Variants in WDR72 observed in about 807,000 individuals in gnomAD.
WDR72 encodes the protein WD repeat domain 72.
A neutral mutation model predicts 124.2 loss-of-function variants in WDR72; 120 were observed. That is an observed-to-expected ratio of 0.97 (90% CI 0.83 to 1.12). The LOEUF is 1.12. Among genes scored for constraint, WDR72 ranks in the 50% most tolerant of loss-of-function variants. The pLI is 0.00. For synonymous variants in WDR72, 452 were observed against 441.7 expected, an observed-to-expected ratio of 1.02 and a Z score of -0.29; for missense variants, 1,387 against 1,278.8, an observed-to-expected ratio of 1.08 and a Z score of -1.29.
At chr15:53,580,294 C>G (rs1474588111) in intron 18 of WDR72, among the ~76,000 whole-genome samples, 2 of 152,066 alleles carry the variant, frequency 1.3e-5, no homozygotes, top group African/African-American at 4.8e-5. Flanking sequence ...AAAAGCTTGT[C>G]TCCAAGAACA....
intron 14 of WDR72, among the ~76,000 whole-genome samples, chr15:53,654,302 A>G (rs1423821209): frequency 6.6e-6 from 1 of 152,218 alleles, no homozygotes; most frequent in Non-Finnish European, 1.5e-5. Flanking sequence ...ACTTAGTCCC[A>G]TTATACTTCA....
At chr15:53,669,033 A>AG in intron 13 of WDR72, among the ~76,000 whole-genome samples, 1 of 70,366 alleles carries the variant, frequency 1.4e-5, no homozygotes, top group Non-Finnish European at 4.1e-5. Flanking sequence ...GAAGGGAGGA[A>AG]GGGAAAGAAG....
intron 18 of WDR72, among the ~76,000 whole-genome samples, chr15:53,537,752 C>A (rs951811389): frequency 6.6e-6 from 1 of 152,046 alleles, no homozygotes; most frequent in Admixed American, 6.5e-5. Context: ...AGATGTCCAG[C>A]CTTAAGGTCA....
At chr15:53,646,370 A>G (rs770617019) in intron 14 of WDR72, among the ~76,000 whole-genome samples, 44 of 152,262 alleles carry the variant, frequency 2.9e-4, no homozygotes, top group Non-Finnish European at 2.9e-5. Flanking sequence ...CAATCAACTA[A>G]ATTTCTGTGG....
intron 18 of WDR72, among the ~76,000 whole-genome samples, chr15:53,550,624 T>G (rs559861393): frequency 5.9e-5 from 9 of 152,328 alleles, no homozygotes; most frequent in African/African-American, 1.9e-4. Context: ...GAAAAAGATG[T>G]GTGTTTTGGT....
At chr15:53,684,417 G>C (rs1309292908) in intron 13 of WDR72, 3 of 154,462 alleles carry the variant, frequency 1.9e-5, no homozygotes, top group African/African-American at 7.2e-5. Context: ...GGGTCAGGGA[G>C]TTCCCTTTCT....
intron 1 of WDR72, among the ~76,000 whole-genome samples, chr15:53,752,853 C>T (rs1271390151): frequency 1.3e-5 from 2 of 151,996 alleles, no homozygotes; most frequent in African/African-American, 4.8e-5. Flanking sequence ...ATCTCCTTTC[C>T]ATCTACATTA....
At chr15:53,723,009 T>A in intron 2 of WDR72, 101 bp from the exon 3 acceptor site, 1 of 1,154,792 alleles carries the variant, frequency 8.7e-7, no homozygotes, top group South Asian at 1.3e-5. Context: ...AATTCTGTTG[T>A]TTTTGTTGTA....
At chr15:53,650,565 C>T (rs1299753482) in intron 14 of WDR72, among the ~76,000 whole-genome samples, 1 of 152,146 alleles carries the variant, frequency 6.6e-6, no homozygotes, top group Non-Finnish European at 1.5e-5. Flanking sequence ...TTCTCATTAA[C>T]CTCCTACTTC....
chr15:53,701,416 C>A (rs928659225), intron 12 of WDR72, among the ~76,000 whole-genome samples: 11 of 152,016 alleles, frequency 7.2e-5, no homozygotes, highest in Non-Finnish European at 1.2e-4. Context: ...GACTACATGC[C>A]TGTAGTCCCA....
At chr15:53,643,318 G>A (rs1249954360) in intron 14 of WDR72, among the ~76,000 whole-genome samples, 1 of 151,984 alleles carries the variant, frequency 6.6e-6, no homozygotes, top group South Asian at 2.1e-4. Flanking sequence ...TAATTAGTCA[G>A]TTAATTAATG....
intron 18 of WDR72, among the ~76,000 whole-genome samples, chr15:53,536,880 TTGTC>T (rs1166902589): frequency 1.3e-5 from 2 of 152,206 alleles, no homozygotes; most frequent in Admixed American, 6.5e-5. Flanking sequence ...CATGATCCTG[TTGTC>T]TGTCTGCTGC....
In WDR72 at chr15:53,538,742, AC is replaced by A. The variant is rs1487812232; in HGVS notation, c.3149-15421del. Among the ~76,000 whole-genome samples the A allele has an allele frequency of 2.0e-5, 3 of 152,180 alleles. No homozygotes were observed. The East Asian group carries it at 5.8e-4, about 29-fold the overall frequency. On this transcript the variant is annotated intron_variant, in intron 18 of 19. Coordinates refer to ENST00000360509, the MANE Select transcript of WDR72 (RefSeq NM_182758.4). ...TGTTTGACCCAATATTTATACTGCT[AC>A]CCGCCCTGGCTCACCCACCCCTAGA... is the stretch of plus-strand genomic sequence containing the variant.
intron 18 of WDR72, among the ~76,000 whole-genome samples, chr15:53,592,592 A>G (rs575662855): frequency 1.3e-5 from 2 of 152,242 alleles, no homozygotes; most frequent in South Asian, 2.1e-4. Flanking sequence ...GATGCATGCA[A>G]TAAAGATTAT....
chr15:53,704,626 C>A (rs570713402), intron 11 of WDR72, among the ~76,000 whole-genome samples: 7 of 150,490 alleles, frequency 4.7e-5, no homozygotes, highest in African/African-American at 1.5e-4. Context: ...CCCAGGTTCA[C>A]GCCATTCTCC....
intron 18 of WDR72, among the ~76,000 whole-genome samples, chr15:53,551,909 C>T (rs1893744675): frequency 6.6e-6 from 1 of 151,934 alleles, no homozygotes; most frequent in Non-Finnish European, 1.5e-5. Context: ...ATATGCTAGG[C>T]AGGAAACTTC....
chr15:53,684,779 C>G (rs531404688), intron 13 of WDR72, among the ~76,000 whole-genome samples: 4 of 151,324 alleles, frequency 2.6e-5, no homozygotes, highest in African/African-American at 9.7e-5. Context: ...ACAAAAAAGA[C>G]AGCAGTAACC....
At chr15:53,710,778 T>C (rs2017510008) in intron 9 of WDR72, 79 bp downstream of exon 9, 2 of 1,211,686 alleles carry the variant, frequency 1.7e-6, no homozygotes, top group Non-Finnish European at 2.4e-6. Context: ...TCAAGCCTGA[T>C]TCTGTGACAG....
At chr15:53,658,339 C>G (rs1421526258) in intron 14 of WDR72, among the ~76,000 whole-genome samples, 1 of 152,216 alleles carries the variant, frequency 6.6e-6, no homozygotes, top group African/African-American at 2.4e-5. Context: ...AAAAATAGCC[C>G]TGTGTGTAGT....
Sources: allele counts gnomAD v4.1 joint callset (sites outside exome capture counted in the v4.1 genomes callset), GRCh38; gene constraint gnomAD v4.1.1; transcripts MANE v1.5; gene names NCBI Gene and HGNC (gene_info 2026-07-23, HGNC 2026-07-21).